Variants in DOCK2 observed in about 807,000 individuals in gnomAD.
DOCK2 encodes the protein dedicator of cytokinesis 2.
DOCK2 carries 87 observed loss-of-function variants against 248.9 expected under a neutral mutation model. The observed-to-expected ratio is 0.35, with a 90% CI of 0.29 to 0.42. The LOEUF is 0.42. Ranked by LOEUF, DOCK2 falls within the 10% of genes least tolerant of loss-of-function variation. DOCK2 has a pLI of 1.00. For synonymous variants in DOCK2, 805 were observed against 821.6 expected (o/e 0.98, Z 0.35); for missense variants, 1,747 against 2,300.2 (o/e 0.76, Z 4.92).
chr5:169,896,136 C>T (rs965040545), intron 27 of DOCK2, among the ~76,000 whole-genome samples: 16 of 151,790 alleles, frequency 1.1e-4, no homozygotes, highest in African/African-American at 3.9e-4. Context: ...CCAGAGCGTG[C>T]AGGCAGATGG....
intron 27 of DOCK2, among the ~76,000 whole-genome samples, chr5:169,867,198 T>C (rs1771618937): frequency 6.6e-6 from 1 of 152,230 alleles, no homozygotes; most frequent in African/African-American, 2.4e-5. Flanking sequence ...CTCCAGGGTA[T>C]GGGCAGGACC....
chr5:169,694,519 C>T (rs951706213), intron 9 of DOCK2, among the ~76,000 whole-genome samples: 9 of 152,350 alleles, frequency 5.9e-5, no homozygotes, highest in African/African-American at 2.2e-4. Context: ...GGGCTATGGT[C>T]ATGACCTTGG....
At chr5:169,668,213 T>A (rs1758841701) in intron 2 of DOCK2, among the ~76,000 whole-genome samples, 1 of 151,978 alleles carries the variant, frequency 6.6e-6, no homozygotes, top group African/African-American at 2.4e-5. Flanking sequence ...ATATAAAGAG[T>A]GCTTAGAATG....
At chr5:169,938,098 C>T (rs1439483751) in intron 27 of DOCK2, among the ~76,000 whole-genome samples, 5 of 152,224 alleles carry the variant, frequency 3.3e-5, no homozygotes, top group Non-Finnish European at 7.3e-5. Context: ...CTAACATGCA[C>T]CAGCCATGGA....
At chr5:170,037,863 A>G (rs1439775192) in intron 36 of DOCK2, among the ~76,000 whole-genome samples, 1 of 152,178 alleles carries the variant, frequency 6.6e-6, no homozygotes, top group Non-Finnish European at 1.5e-5. Context: ...AGTCAACCAG[A>G]AGATTGAGGA....
chr5:169,912,187 T>C (rs575942045), intron 27 of DOCK2, among the ~76,000 whole-genome samples: 1 of 152,338 alleles, frequency 6.6e-6, no homozygotes, highest in South Asian at 2.1e-4. Context: ...TCTTTTGTTT[T>C]GTCTTTCAGT....
At chr5:169,801,700 G>T (rs552361271) in intron 25 of DOCK2, among the ~76,000 whole-genome samples, 2 of 152,264 alleles carry the variant, frequency 1.3e-5, no homozygotes, top group South Asian at 4.2e-4. Context: ...TACAGTCAGG[G>T]TGCTGTGCCA....
intron 15 of DOCK2, among the ~76,000 whole-genome samples, chr5:169,708,627 C>T (rs890174772): frequency 4.7e-5 from 7 of 150,054 alleles, no homozygotes. Context: ...TGTAGTTTTA[C>T]CATCTCTGCT....
chr5:169,767,618 C>G (rs1296358714), intron 25 of DOCK2, among the ~76,000 whole-genome samples: 1 of 152,150 alleles, frequency 6.6e-6, no homozygotes, highest in East Asian at 1.9e-4. Flanking sequence ...TCTTTAGCTA[C>G]AGAAATGTGA....
intron 15 of DOCK2, among the ~76,000 whole-genome samples, chr5:169,710,801 CTG>C (rs1302055956): frequency 1.1e-4 from 16 of 152,340 alleles, no homozygotes; most frequent in African/African-American, 3.6e-4. Flanking sequence ...CCGGTCAACT[CTG>C]TGGTCAGAAA....
At chr5:169,943,716 G>A (rs1776332177) in intron 27 of DOCK2, among the ~76,000 whole-genome samples, 1 of 152,104 alleles carries the variant, frequency 6.6e-6, no homozygotes, top group Non-Finnish European at 1.5e-5. Context: ...CATCACCTGG[G>A]AGCTTGTTAG....
intron 26 of DOCK2, among the ~76,000 whole-genome samples, chr5:169,834,100 T>C (rs879123981): frequency 3.4e-4 from 40 of 117,038 alleles, no homozygotes; most frequent in East Asian, 1.3e-3. Flanking sequence ...AGACCACAAG[T>C]CCTACTCACA....
chr5:170,030,754 G>C (rs945348236), intron 34 of DOCK2, among the ~76,000 whole-genome samples: 1 of 152,190 alleles, frequency 6.6e-6, no homozygotes. Context: ...CCATGAGCCT[G>C]CCTATCTTTT....
In DOCK2 at chr5:169,795,515, C is replaced by T. The variant is rs755331844; in HGVS notation, c.2555-7543C>T. 2.1e-4 allele frequency among the ~76,000 whole-genome samples: 32 copies of T among 152,176 alleles called. 1 individual carries two copies. Among genetic ancestry groups the T allele is most frequent in the Admixed American group, 7.2e-4 (11 of 15,278 alleles). ...ACTCATGGGGAGCTGCTGAAGAATG[C>T]GTTGGGGGAAAATGCTAGTGAAGTT... On this transcript the variant is annotated intron_variant, in intron 25 of 51. Transcript: ENST00000520908.
intron 25 of DOCK2, among the ~76,000 whole-genome samples, chr5:169,781,572 A>C (rs971301493): frequency 6.6e-6 from 1 of 152,232 alleles, no homozygotes; most frequent in Admixed American, 6.5e-5. Flanking sequence ...GCATTCTGTT[A>C]TCCTGGGGTT....
chr5:170,028,023 G>C lies in DOCK2; in HGVS notation c.3467+75G>C. The C allele has an allele frequency of 3.7e-6, 5 of 1,343,068 alleles. No homozygotes were observed. The South Asian group carries it at 4.5e-5, about 12-fold the overall frequency. 83.2% of individuals were successfully genotyped at this position (1,343,068 alleles called of 1,614,324 possible). ...GCGGGAGGGCTCAGAACTCCAGGGGGCTCCGAGTGGCTCTGTCCTCCCCTG... is the reference window on the plus strand; with the variant it reads ...GCGGGAGGGCTCAGAACTCCAGGGGCCTCCGAGTGGCTCTGTCCTCCCCTG... On this transcript the variant is annotated intron_variant, in intron 34 of 51. Coordinates refer to ENST00000520908, the MANE Select transcript of DOCK2 (RefSeq NM_004946.3).
At chr5:169,898,276 C>T (rs527929818) in intron 27 of DOCK2, among the ~76,000 whole-genome samples, 13 of 152,276 alleles carry the variant, frequency 8.5e-5, no homozygotes, top group South Asian at 2.1e-4. Flanking sequence ...ATGGGGGCTC[C>T]GCTTGGGAAG....
intron 27 of DOCK2, among the ~76,000 whole-genome samples, chr5:169,905,137 G>C (rs765389664): frequency 1.2e-4 from 18 of 152,210 alleles, no homozygotes; most frequent in Non-Finnish European, 2.5e-4. Context: ...GGTTTAGGAA[G>C]GGTTGCAAAC....
intron 38 of DOCK2, among the ~76,000 whole-genome samples, chr5:170,044,307 C>G (rs1057159663): frequency 6.6e-6 from 1 of 152,182 alleles, no homozygotes; most frequent in African/African-American, 2.4e-5. Flanking sequence ...ATATCTGTTT[C>G]ATTACTGCAC....
Sources: gnomAD v4.1 joint callset for allele counts (sites outside exome capture counted in the v4.1 genomes callset) on GRCh38, gnomAD v4.1.1 for gene constraint, MANE v1.5 for transcripts, NCBI Gene and HGNC (gene_info 2026-07-23, HGNC 2026-07-21) for gene names.